LHPP: variants seen among roughly 807,000 people sequenced by gnomAD.
The protein encoded by LHPP is hLHPP.
LHPP carries 24 observed loss-of-function variants against 30.3 expected under a neutral mutation model. That is an observed-to-expected ratio of 0.79 (90% CI 0.57 to 1.11). The LOEUF is 1.11. LHPP is among the 50% of genes most tolerant of loss of function. LHPP has a pLI of 0.00. For synonymous variants in LHPP, 150 were observed against 157.1 expected, an observed-to-expected ratio of 0.95 and a Z score of 0.34; for missense variants, 356 against 367.2, an observed-to-expected ratio of 0.97 and a Z score of 0.25.
At chr10:124,513,960 C>G (rs999130265) in intron 5 of LHPP, among the ~76,000 whole-genome samples, 2 of 152,156 alleles carry the variant, frequency 1.3e-5, no homozygotes, top group Non-Finnish European at 2.9e-5. Flanking sequence ...TAAGTGTGTC[C>G]AGACACAGCC....
At chr10:124,473,319 G>A (rs763070987) in intron 1 of LHPP, among the ~76,000 whole-genome samples, 2 of 152,194 alleles carry the variant, frequency 1.3e-5, no homozygotes, top group Admixed American at 6.5e-5. Flanking sequence ...CAACAGGCAC[G>A]TTGCTGTCCA....
chr10:124,529,153 T>A (rs1244137453), intron 6 of LHPP, among the ~76,000 whole-genome samples: 1 of 150,856 alleles, frequency 6.6e-6, no homozygotes, highest in Non-Finnish European at 1.5e-5. Context: ...TGCCTCAGCC[T>A]CCTGAATAGC....
rs56079813 is a variant in LHPP at position 124,590,465 on chromosome 10, A to G, written c.717-22799A>G. Among the ~76,000 whole-genome samples the G allele has an allele frequency of 0.021, 3,142 of 152,212 alleles. 81 individuals are homozygous for G. Among genetic ancestry groups the G allele is most frequent in the East Asian group, 0.12 (635 of 5,172 alleles). On this transcript the variant is annotated intron_variant, in intron 6 of 6. Coordinates refer to ENST00000368842, the MANE Select transcript of LHPP (RefSeq NM_022126.4). The surrounding 1 kb of genome is among the most constrained non-coding windows in gnomAD (Gnocchi z 4.3). ...GGCGTGGGCGATGGTGAGCAACTCC[A>G]GGCTACCCCGAGAAAGCCGCTGTGT...
Position 124,510,424 on chromosome 10 carries a change from C to G in LHPP, c.625-6756C>G, listed in dbSNP as rs57028053. ...CCCTGGCGTCCCGGCCCCCAGCCTCCGCCTCCCTCGCCGACAGCTTCCCGG... is the reference window on the plus strand; with the variant it reads ...CCCTGGCGTCCCGGCCCCCAGCCTCGGCCTCCCTCGCCGACAGCTTCCCGG... On this transcript the variant is annotated intron_variant, in intron 5 of 6. Coordinates refer to ENST00000368842, the MANE Select transcript of LHPP (RefSeq NM_022126.4). This position sits in a 1 kb window ranked among gnomAD's most constrained non-coding sequence, Gnocchi z 4.0. Among the ~76,000 whole-genome samples the G allele has an allele frequency of 0.19, 28,415 of 152,080 alleles. 3,074 individuals are homozygous for G. The highest frequency in any genetic ancestry group is 0.47 in the East Asian group (2,422 of 5,128).
chr10:124,551,702 C>T (rs1018011696), intron 6 of LHPP, among the ~76,000 whole-genome samples: 3 of 152,138 alleles, frequency 2.0e-5, no homozygotes, highest in African/African-American at 7.2e-5. Context: ...CTGAGACCCG[C>T]GGGCTTGGCC....
chr10:124,533,109 A>G (rs1954938284), intron 6 of LHPP, among the ~76,000 whole-genome samples: 1 of 152,152 alleles, frequency 6.6e-6, no homozygotes, highest in South Asian at 2.1e-4. Flanking sequence ...CAGGGAAGCA[A>G]TGGGAGTGGA....
intron 2 of LHPP, 53 bp from the exon 3 acceptor site, chr10:124,488,369 A>C: frequency 6.5e-7 from 1 of 1,534,246 alleles, no homozygotes; most frequent in Non-Finnish European, 9.0e-7. Flanking sequence ...ATGGGGAGGT[A>C]GGCCATGTCC....
At chr10:124,559,897 G>T (rs555753425) in intron 6 of LHPP, among the ~76,000 whole-genome samples, 1 of 152,366 alleles carries the variant, frequency 6.6e-6, no homozygotes, top group South Asian at 2.1e-4. Context: ...TTCAGCCAGC[G>T]CTGCCAAGTG....
At chr10:124,525,161 CTG>C (rs1266059314) in intron 6 of LHPP, among the ~76,000 whole-genome samples, 5 of 152,338 alleles carry the variant, frequency 3.3e-5, no homozygotes, top group African/African-American at 9.6e-5. Flanking sequence ...GAATCGCACA[CTG>C]TACCGTTGAG....
At chr10:124,503,853 T>C (rs150181930) in intron 5 of LHPP, among the ~76,000 whole-genome samples, 1 of 152,130 alleles carries the variant, frequency 6.6e-6, no homozygotes, top group Admixed American at 6.5e-5. Context: ...GTTTTATATA[T>C]AGAGAGAAAG....
At chr10:124,602,000 G>T (rs530810867) in intron 6 of LHPP, among the ~76,000 whole-genome samples, 2 of 152,196 alleles carry the variant, frequency 1.3e-5, no homozygotes, top group Non-Finnish European at 2.9e-5. Flanking sequence ...CCCGTCCTCC[G>T]CTGCACTGCC....
intron 5 of LHPP, among the ~76,000 whole-genome samples, chr10:124,511,498 G>A (rs979202603): frequency 6.6e-6 from 1 of 152,154 alleles, no homozygotes; most frequent in African/African-American, 2.4e-5. Flanking sequence ...CATGTCTCGC[G>A]GTGGCTTGCG....
At chr10:124,536,975 C>T (rs1955042778) in intron 6 of LHPP, among the ~76,000 whole-genome samples, 1 of 152,146 alleles carries the variant, frequency 6.6e-6, no homozygotes, top group Non-Finnish European at 1.5e-5. Context: ...ATCATAAACA[C>T]AGCATATGTA....
At chr10:124,548,964 G>C (rs1589854503) in intron 6 of LHPP, among the ~76,000 whole-genome samples, 1 of 152,348 alleles carries the variant, frequency 6.6e-6, no homozygotes, top group East Asian at 1.9e-4. Context: ...CAGCCAGCGG[G>C]ACATTCCACT....
intron 6 of LHPP, among the ~76,000 whole-genome samples, chr10:124,579,296 A>G (rs1315712718): frequency 2.0e-5 from 3 of 152,226 alleles, no homozygotes; most frequent in African/African-American, 7.2e-5. Flanking sequence ...GGAAGGCAGA[A>G]GAATCACAGC....
At chr10:124,547,043 G>GCGCACACACACACGCACACGCGCGCA (rs1554890360) in intron 6 of LHPP, among the ~76,000 whole-genome samples, 2 of 151,518 alleles carry the variant, frequency 1.3e-5, no homozygotes, top group African/African-American at 2.4e-5. Flanking sequence ...GCACACGCGC[G>GCGCACACACACACGCACACGCGCGCA]CACACACACA....
intron 1 of LHPP, among the ~76,000 whole-genome samples, chr10:124,481,838 C>T (rs1451195984): frequency 6.6e-6 from 1 of 152,208 alleles, no homozygotes; most frequent in Non-Finnish European, 1.5e-5. Context: ...CCTGGCCTGC[C>T]CTTTCCTGCC....
At position 124,484,302 on chromosome 10, in the gene LHPP, C is replaced by T. The variant is rs758033434; in HGVS notation, c.289C>T (p.Arg97Ter). 38 of 1,613,342 alleles carry T rather than the reference C, an allele frequency of 2.4e-5. No individual in the cohort carries two copies. The Middle Eastern group carries it at 4.9e-4, about 21-fold the overall frequency. Reference protein sequence around the residue: ...ACQILKEQGLRPYLLIHDGVR... With the variant: ...ACQILKEQGL ...CCAGATCCTGAAGGAGCAAGGCCTG[C>T]GACCATACCTGCTCATCCATGACGG... is the stretch of plus-strand genomic sequence containing the variant. Residue 97 changes from arginine to a stop codon, truncating the protein, a stop_gained, in exon 2 of 7, where the codon CGA (arginine) becomes TGA (stop). Coordinates refer to ENST00000368842, the MANE Select transcript of LHPP (RefSeq NM_022126.4). LOFTEE classifies it high-confidence loss of function.
intron 5 of LHPP, among the ~76,000 whole-genome samples, chr10:124,509,515 A>T (rs1954247447): frequency 6.6e-6 from 1 of 151,554 alleles, no homozygotes; most frequent in South Asian, 2.1e-4. Context: ...CCTGCTGCGT[A>T]TACAGATGCT....
Sources: gnomAD v4.1 joint callset for allele counts (sites outside exome capture counted in the v4.1 genomes callset) on GRCh38, gnomAD v4.1.1 for gene constraint, Gnocchi (gnomAD v3.1) non-coding constraint, MANE v1.5 for transcripts, NCBI Gene and HGNC (gene_info 2026-07-23, HGNC 2026-07-21) for gene names.